KCNQ3: variants seen among roughly 807,000 people sequenced by gnomAD.
The protein encoded by KCNQ3 is potassium voltage-gated channel subfamily KQT member 3.
Under a neutral mutation model 92.5 loss-of-function variants are expected in KCNQ3, and 30 were observed. The ratio of observed to expected loss-of-function variants is 0.32; its 90% CI spans 0.24 to 0.44. The LOEUF is 0.44. Among genes scored for constraint, KCNQ3 ranks in the 20% least tolerant of loss-of-function variants. The probability of loss-of-function intolerance (pLI) is 1.00; values close to 1 mark genes in which losing one functional copy is unlikely to be tolerated. For missense variants in KCNQ3, 913 were observed against 1,140.3 expected (o/e 0.80, Z 2.87); for synonymous variants, 450 against 468.8 (o/e 0.96, Z 0.52).
At chr8:132,422,589 C>T (rs980192591) in intron 1 of KCNQ3, among the ~76,000 whole-genome samples, 6 of 152,134 alleles carry the variant, frequency 3.9e-5, no homozygotes, top group South Asian at 2.1e-4. Context: ...GACACGTGAT[C>T]CTCCAAGAAA....
chr8:132,196,526 G>A (rs549555625), intron 1 of KCNQ3, among the ~76,000 whole-genome samples: 3 of 152,314 alleles, frequency 2.0e-5, no homozygotes, highest in Non-Finnish European at 2.9e-5. Flanking sequence ...ATCTGGAGAA[G>A]CAGAGATGCT....
chr8:132,413,300 TG>T lies in KCNQ3; in HGVS notation c.386+66846del, dbSNP rs1305440701. On this transcript the variant is annotated intron_variant, in intron 1 of 14. Coordinates refer to ENST00000388996, the MANE Select transcript of KCNQ3 (RefSeq NM_004519.4). The stretch of plus-strand genomic sequence containing the variant: ...CATCCTTCATCTATTTGCAGCTTTC[TG>T]AAAACACTGTTTCTTTGTGTTTCTC... Among the ~76,000 whole-genome samples the T allele has an allele frequency of 1.3e-4, 20 of 152,240 alleles. 1 individual carries two copies. The highest frequency in any genetic ancestry group is 4.8e-4 in the African/African-American group (20 of 41,460).
intron 1 of KCNQ3, among the ~76,000 whole-genome samples, chr8:132,431,757 C>T (rs1453385643): frequency 6.6e-6 from 1 of 152,182 alleles, no homozygotes; most frequent in Non-Finnish European, 1.5e-5. Flanking sequence ...TTGTTTTCAT[C>T]GTTCCCGCTG....
At chr8:132,351,857 T>C (rs1444708014) in intron 1 of KCNQ3, among the ~76,000 whole-genome samples, 1 of 152,226 alleles carries the variant, frequency 6.6e-6, no homozygotes, top group East Asian at 1.9e-4. Context: ...ATTTAAATTC[T>C]GGACCTGCCA....
intron 1 of KCNQ3, among the ~76,000 whole-genome samples, chr8:132,351,029 C>T (rs977256418): frequency 2.6e-5 from 4 of 152,052 alleles, no homozygotes; most frequent in Non-Finnish European, 4.4e-5. Context: ...GGCCTGGCCT[C>T]CCTCACCACC....
intron 1 of KCNQ3, among the ~76,000 whole-genome samples, chr8:132,220,574 T>A (rs950713860): frequency 6.6e-6 from 1 of 151,892 alleles, no homozygotes; most frequent in Admixed American, 6.6e-5. Flanking sequence ...CATGGTGAAA[T>A]CCTGTCTCTA....
chr8:132,268,157 T>C (rs1418027996), intron 1 of KCNQ3, among the ~76,000 whole-genome samples: 1 of 152,248 alleles, frequency 6.6e-6, no homozygotes, highest in Non-Finnish European at 1.5e-5. Context: ...CTATCTCTTC[T>C]AGAATGTCAT....
intron 1 of KCNQ3, among the ~76,000 whole-genome samples, chr8:132,268,744 C>T (rs2168779): frequency 0.11 from 16,206 of 152,178 alleles, 947 homozygotes; most frequent in South Asian, 0.17. Flanking sequence ...TGGGTAAATA[C>T]TGAGGAGCAC....
At chr8:132,132,682 ATTAC>A (rs2130928752) in intron 13 of KCNQ3, among the ~76,000 whole-genome samples, 1 of 152,318 alleles carries the variant, frequency 6.6e-6, no homozygotes, top group East Asian at 1.9e-4. Context: ...AATGTCTGAA[ATTAC>A]TTACAGTGGG....
intron 1 of KCNQ3, among the ~76,000 whole-genome samples, chr8:132,399,545 A>G (rs1372824278): frequency 1.3e-5 from 2 of 152,170 alleles, no homozygotes; most frequent in South Asian, 2.1e-4. Flanking sequence ...AATAAACCCT[A>G]TGATTTGTAT....
At chr8:132,139,591 G>A (rs1225477910) in intron 11 of KCNQ3, among the ~76,000 whole-genome samples, 10 of 152,134 alleles carry the variant, frequency 6.6e-5, no homozygotes, top group Admixed American at 5.2e-4. Flanking sequence ...AAGCAAAACA[G>A]AAATAGGTAG....
At chr8:132,147,351 A>T (rs1342152416) in intron 9 of KCNQ3, among the ~76,000 whole-genome samples, 1 of 149,360 alleles carries the variant, frequency 6.7e-6, no homozygotes, top group Non-Finnish European at 1.5e-5. Flanking sequence ...ATCATAAGCT[A>T]TTTTTTTTGG....
intron 1 of KCNQ3, chr8:132,278,315 G>C (rs1250010504): frequency 1.9e-6 from 1 of 516,994 alleles, no homozygotes; most frequent in African/African-American, 2.1e-5. Context: ...GAAAAAAAAA[G>C]AAGAAAAATG....
At chr8:132,330,728 C>T (rs1280456464) in intron 1 of KCNQ3, among the ~76,000 whole-genome samples, 1 of 152,184 alleles carries the variant, frequency 6.6e-6, no homozygotes, top group East Asian at 1.9e-4. Context: ...CATGTGTGGA[C>T]ACTTTATAAG....
chr8:132,348,694 GA>G, intron 1 of KCNQ3, among the ~76,000 whole-genome samples: 1 of 152,314 alleles, frequency 6.6e-6, no homozygotes, highest in East Asian at 1.9e-4. Flanking sequence ...TCTGTCATCT[GA>G]TTCCACACTA....
chr8:132,371,993 C>T (rs748766832), intron 1 of KCNQ3, among the ~76,000 whole-genome samples: 8 of 152,118 alleles, frequency 5.3e-5, no homozygotes, highest in Admixed American at 1.3e-4. Context: ...TACAAAGTCT[C>T]GGTCAAGCCT....
At chr8:132,353,635 G>A (rs1586950849) in intron 1 of KCNQ3, among the ~76,000 whole-genome samples, 1 of 152,108 alleles carries the variant, frequency 6.6e-6, no homozygotes, top group African/African-American at 2.4e-5. Flanking sequence ...CCAACATAGT[G>A]AAACCCTGTC....
intron 1 of KCNQ3, among the ~76,000 whole-genome samples, chr8:132,303,792 T>C (rs976288746): frequency 2.7e-5 from 4 of 148,160 alleles, no homozygotes; most frequent in African/African-American, 9.9e-5. Flanking sequence ...GCATAAAATA[T>C]TACATGTGTG....
At chr8:132,168,104 C>T (rs1244837481) in intron 8 of KCNQ3, among the ~76,000 whole-genome samples, 2 of 152,326 alleles carry the variant, frequency 1.3e-5, no homozygotes, top group East Asian at 3.9e-4. Flanking sequence ...CCTCTGACCC[C>T]TCTAACTCTC....
Sources: gnomAD v4.1 joint callset for allele counts (sites outside exome capture counted in the v4.1 genomes callset) on GRCh38, gnomAD v4.1.1 for gene constraint, MANE v1.5 for transcripts, NCBI Gene and HGNC (gene_info 2026-07-23, HGNC 2026-07-21) for gene names.